Variants in STK39 observed in about 807,000 individuals in gnomAD.
STK39 encodes the protein serine/threonine kinase 39.
STK39 carries 20 observed loss-of-function variants against 77.8 expected under a neutral mutation model. That is an observed-to-expected ratio of 0.26 (90% CI 0.18 to 0.37). The LOEUF (loss-of-function observed/expected upper bound fraction) is 0.37, where lower values mean the gene tolerates loss of function less well. STK39 is among the 10% of genes least tolerant of loss of function. The probability of loss-of-function intolerance (pLI) is 1.00; values close to 1 mark genes in which losing one functional copy is unlikely to be tolerated. For synonymous variants in STK39, 246 were observed against 234.1 expected (o/e 1.05, Z -0.47); for missense variants, 479 against 656.5 (o/e 0.73, Z 2.95).
intron 10 of STK39, among the ~76,000 whole-genome samples, chr2:168,112,683 C>T (rs1687150444): frequency 6.6e-6 from 1 of 152,116 alleles, no homozygotes; most frequent in African/African-American, 2.4e-5. Flanking sequence ...TTTTGAACTT[C>T]CAGTAAGATT....
At chr2:168,237,839 C>T (rs115380184) in intron 1 of STK39, among the ~76,000 whole-genome samples, 1 of 152,092 alleles carries the variant, frequency 6.6e-6, no homozygotes, top group African/African-American at 2.4e-5. Flanking sequence ...TAGGAACTCA[C>T]TTATAAAAAC....
At chr2:168,084,349 T>C (rs2105421648) in intron 10 of STK39, among the ~76,000 whole-genome samples, 1 of 152,298 alleles carries the variant, frequency 6.6e-6, no homozygotes, top group Admixed American at 6.5e-5. Context: ...AAGCAACAAT[T>C]AGCCCTATGA....
chr2:168,226,852 T>C (rs1263943779), intron 1 of STK39, among the ~76,000 whole-genome samples: 2 of 152,216 alleles, frequency 1.3e-5, no homozygotes, highest in Non-Finnish European at 1.5e-5. Context: ...AAATTCTGGA[T>C]ATCTATCCCA....
intron 10 of STK39, among the ~76,000 whole-genome samples, chr2:168,101,674 G>GCTGCAGGGGGC (rs1335390358): frequency 6.6e-6 from 1 of 152,088 alleles, no homozygotes; most frequent in Non-Finnish European, 1.5e-5. Context: ...GGAGGCAGAG[G>GCTGCAGGGGGC]CTGCAGGGGG....
intron 14 of STK39, among the ~76,000 whole-genome samples, chr2:168,018,498 T>TAAGAAAAGAAAGAAAAGA (rs937163884): frequency 2.9e-5 from 3 of 105,118 alleles, no homozygotes; most frequent in Non-Finnish European, 4.0e-5. Context: ...ATCTCATTTT[T>TAAGAAAAGAAAGAAAAGA]AAGAAAAGAA....
intron 16 of STK39, among the ~76,000 whole-genome samples, chr2:167,982,249 G>A (rs1000959115): frequency 6.6e-6 from 1 of 152,050 alleles, no homozygotes; most frequent in African/African-American, 2.4e-5. Flanking sequence ...AAACCCCTCT[G>A]ACACCAATGA....
At chr2:168,117,523 A>G (rs1292119603) in intron 10 of STK39, among the ~76,000 whole-genome samples, 2 of 152,212 alleles carry the variant, frequency 1.3e-5, no homozygotes, top group African/African-American at 2.4e-5. Flanking sequence ...AATGACACCA[A>G]GTGCAACAAC....
At position 167,955,357 on chromosome 2, in the gene STK39, C is replaced by T. The variant is rs201646821; in HGVS notation, c.*139G>A. On this transcript the variant is annotated 3_prime_UTR_variant, in exon 18 of 18. Coordinates refer to ENST00000355999, the MANE Select transcript of STK39 (RefSeq NM_013233.3). Reference sequence around the variant, plus strand: ...TTTTTTTATCCCATTTTGTTGAAGCCGGCCTCTTCACAATCTTCTGATTTT... The same window carrying T: ...TTTTTTTATCCCATTTTGTTGAAGCTGGCCTCTTCACAATCTTCTGATTTT... 817 of 755,260 alleles carry T rather than the reference C, an allele frequency of 1.1e-3. 2 individuals are homozygous for T. The highest frequency in any genetic ancestry group is 1.5e-3 in the Non-Finnish European group (703 of 469,936). 46.8% of individuals were successfully genotyped at this position (755,260 alleles called of 1,614,324 possible).
At chr2:168,137,841 A>C (rs1308842871) in intron 8 of STK39, among the ~76,000 whole-genome samples, 1 of 152,180 alleles carries the variant, frequency 6.6e-6, no homozygotes, top group African/African-American at 2.4e-5. Flanking sequence ...GCCCACACTT[A>C]ACAAGCACAG....
intron 14 of STK39, among the ~76,000 whole-genome samples, chr2:168,062,953 T>C (rs1685700051): frequency 6.6e-6 from 1 of 152,316 alleles, no homozygotes; most frequent in Middle Eastern, 3.4e-3. Context: ...GAAAACGCTT[T>C]CATTCACACT....
intron 14 of STK39, among the ~76,000 whole-genome samples, chr2:168,059,437 C>A (rs183823510): frequency 4.6e-5 from 7 of 152,148 alleles, no homozygotes; most frequent in East Asian, 1.9e-4. Flanking sequence ...ACAGAAAGAC[C>A]GAGGCCTTGG....
chr2:167,967,575 G>C (rs1692192782), intron 16 of STK39, among the ~76,000 whole-genome samples: 1 of 151,730 alleles, frequency 6.6e-6, no homozygotes, highest in Non-Finnish European at 1.5e-5. Context: ...TGTTCTTTAT[G>C]AAACTGTAAC....
At chr2:167,980,302 T>C (rs1683380780) in intron 16 of STK39, among the ~76,000 whole-genome samples, 1 of 152,284 alleles carries the variant, frequency 6.6e-6, no homozygotes, top group African/African-American at 2.4e-5. Flanking sequence ...AGAAGAAATA[T>C]GCCAAAGGAA....
intron 10 of STK39, among the ~76,000 whole-genome samples, chr2:168,110,222 ATTTATTTATTTTTG>A (rs1200922174): frequency 6.6e-6 from 1 of 151,986 alleles, no homozygotes; most frequent in Non-Finnish European, 1.5e-5. Context: ...AGATTAAAAT[ATTTATTTATTTTTG>A]TTTATTTATT....
rs568053970 is a variant in STK39, at chr2:168,036,219, A to AG, written c.1377-19125dup. On this transcript the variant is annotated intron_variant, in intron 14 of 17. Coordinates refer to ENST00000355999, the MANE Select transcript of STK39 (RefSeq NM_013233.3). Reference sequence around the variant, plus strand: ...AAACCACAGTACTGTGAGTCCATACAGGGAAAAAAAAAAAACTTGCTGGCC... The same window carrying AG: ...AAACCACAGTACTGTGAGTCCATACAGGGGAAAAAAAAAAAACTTGCTGGCC... Among the ~76,000 whole-genome samples, 18 of 148,096 alleles carry AG rather than the reference A, an allele frequency of 1.2e-4. 1 individual carries two copies. The highest frequency in any genetic ancestry group is 4.2e-4 in the South Asian group (2 of 4,714).
chr2:168,074,912 A>G, intron 12 of STK39, 70 bp downstream of exon 12: 2 of 1,562,404 alleles, frequency 1.3e-6, no homozygotes, highest in South Asian at 2.3e-5. Flanking sequence ...TCTCCCCTAA[A>G]TGGATCAGAC....
At chr2:168,218,435 C>T (rs1690078238) in intron 1 of STK39, among the ~76,000 whole-genome samples, 1 of 152,170 alleles carries the variant, frequency 6.6e-6, no homozygotes, top group Admixed American at 6.5e-5. Context: ...GACCGTAGGG[C>T]ACAGCACCAT....
At chr2:168,000,617 T>C (rs1683975712) in intron 16 of STK39, among the ~76,000 whole-genome samples, 1 of 152,214 alleles carries the variant, frequency 6.6e-6, no homozygotes, top group African/African-American at 2.4e-5. Context: ...ATGTGAGGAA[T>C]TGATAGTCAA....
intron 1 of STK39, among the ~76,000 whole-genome samples, chr2:168,242,596 T>A (rs868666578): frequency 0.019 from 1,849 of 95,608 alleles, 86 homozygotes; most frequent in African/African-American, 0.07. Context: ...TATATATATA[T>A]AAAGAGGCCA....
Sources: allele counts gnomAD v4.1 joint callset (sites outside exome capture counted in the v4.1 genomes callset), GRCh38; gene constraint gnomAD v4.1.1; transcripts MANE v1.5; gene names NCBI Gene and HGNC (gene_info 2026-07-23, HGNC 2026-07-21).